PTPRG: variants seen among roughly 807,000 people sequenced by gnomAD.
PTPRG encodes the protein protein tyrosine phosphatase receptor type G, also known as receptor-type tyrosine-protein phosphatase gamma.
PTPRG carries 102 observed loss-of-function variants against 165.3 expected under a neutral mutation model. That is an observed-to-expected ratio of 0.62 (90% confidence interval 0.53 to 0.73). PTPRG has a LOEUF of 0.73. Among genes scored for constraint, PTPRG ranks in the 30% least tolerant of loss-of-function variants. PTPRG has a pLI of 0.00. For synonymous variants in PTPRG, 675 were observed against 669.5 expected (o/e 1.01, Z -0.13); for missense variants, 1,866 against 1,861.4 (o/e 1.00, Z -0.05).
chr3:61,986,285 G>A (rs1407749666), intron 2 of PTPRG, among the ~76,000 whole-genome samples: 1 of 152,142 alleles, frequency 6.6e-6, no homozygotes, highest in East Asian at 1.9e-4. Context: ...GAATGAAGTT[G>A]TACAAGATAC....
At chr3:62,120,751 A>AG (rs201011781) in intron 5 of PTPRG, among the ~76,000 whole-genome samples, 1,983 of 151,778 alleles carry the variant, frequency 0.013, 29 homozygotes, top group Non-Finnish European at 0.019. Context: ...CCATCTCAAA[A>AG]AAAAAAAAAG....
At chr3:61,995,660 C>T (rs1016036129) in intron 3 of PTPRG, among the ~76,000 whole-genome samples, 3 of 151,660 alleles carry the variant, frequency 2.0e-5, no homozygotes, top group Admixed American at 2.0e-4. Flanking sequence ...ATAGTCTAGG[C>T]TTTCCGCCTG....
intron 9 of PTPRG, among the ~76,000 whole-genome samples, chr3:62,193,475 G>A (rs1432336562): frequency 6.6e-6 from 1 of 152,222 alleles, no homozygotes; most frequent in African/African-American, 2.4e-5. Context: ...TAATTCCTCA[G>A]CGAGTGAAGA....
At chr3:61,893,060 TTGA>T (rs2038260597) in intron 2 of PTPRG, among the ~76,000 whole-genome samples, 1 of 152,198 alleles carries the variant, frequency 6.6e-6, no homozygotes, top group African/African-American at 2.4e-5. Flanking sequence ...GACTGTTATC[TTGA>T]TGGGTGGCAC....
chr3:61,713,409 G>A (rs2031660859), intron 1 of PTPRG, among the ~76,000 whole-genome samples: 1 of 150,410 alleles, frequency 6.6e-6, no homozygotes. Context: ...CTGACCTCGT[G>A]ATCCACCCGC....
intron 4 of PTPRG, among the ~76,000 whole-genome samples, chr3:62,075,283 T>G (rs1241965775): frequency 6.6e-6 from 1 of 152,222 alleles, no homozygotes; most frequent in Non-Finnish European, 1.5e-5. Context: ...GTGAACCTAC[T>G]TAATTTGAGG....
At chr3:61,820,401 C>G (rs2035915243) in intron 2 of PTPRG, among the ~76,000 whole-genome samples, 1 of 152,158 alleles carries the variant, frequency 6.6e-6, no homozygotes, top group South Asian at 2.1e-4. Context: ...GAGGTACCCA[C>G]TCGTATTAAG....
At chr3:62,184,745 C>T (rs1347532456) in intron 8 of PTPRG, among the ~76,000 whole-genome samples, 2 of 152,170 alleles carry the variant, frequency 1.3e-5, no homozygotes, top group African/African-American at 2.4e-5. Context: ...GCAACACCTC[C>T]CACCCAGGAA....
rs963079180 is a variant in PTPRG, at chr3:62,271,469, C to T, written c.3096C>T (p.Pro1032=). The T allele has an allele frequency of 1.2e-5, 19 of 1,613,784 alleles. No individual in the cohort carries two copies. The highest frequency in any genetic ancestry group is 1.4e-5 in the Non-Finnish European group (17 of 1,179,842). The stretch of plus-strand genomic sequence containing the variant: ...CACAGTGGCCTGACATGGGAGTTCC[C>T]GAGTATGCCCTTCCAGTACTGACTT... ...HYTQWPDMGV[P]EYALPVLTFV... The change falls in exon 21 of 30, where the codon CCC becomes CCT. Residue 1032 remains proline, a synonymous_variant. Coordinates refer to ENST00000474889, the MANE Select transcript of PTPRG (RefSeq NM_002841.4). This position sits in a 1 kb window ranked among gnomAD's most constrained non-coding sequence, Gnocchi z 4.1.
intron 12 of PTPRG, among the ~76,000 whole-genome samples, chr3:62,206,421 C>T (rs549662183): frequency 1.3e-5 from 2 of 152,096 alleles, no homozygotes; most frequent in Admixed American, 6.5e-5. Flanking sequence ...AAGTCTTAGT[C>T]CCGTGTCCTC....
intron 8 of PTPRG, among the ~76,000 whole-genome samples, chr3:62,187,273 A>G (rs1350723778): frequency 6.6e-6 from 1 of 152,250 alleles, no homozygotes; most frequent in African/African-American, 2.4e-5. Context: ...GCAGAGGGGC[A>G]GAATTCAGTG....
intron 1 of PTPRG, among the ~76,000 whole-genome samples, chr3:61,599,659 AT>A (rs11382935): frequency 0.065 from 9,511 of 145,980 alleles, 431 homozygotes; most frequent in African/African-American, 0.13. Flanking sequence ...TGCCTCCCTA[AT>A]TTTTTTTTTT....
chr3:62,208,836 A>G (rs894600199), intron 12 of PTPRG, among the ~76,000 whole-genome samples: 2 of 152,246 alleles, frequency 1.3e-5, no homozygotes, highest in East Asian at 1.9e-4. Context: ...AGCCCTGCCT[A>G]TGCAGAAGGC....
At chr3:61,621,051 A>ATATATATATATATGTGTG in intron 1 of PTPRG, among the ~76,000 whole-genome samples, 12 of 117,994 alleles carry the variant, frequency 1.0e-4, no homozygotes, top group South Asian at 2.9e-4. Context: ...ATATATATAT[A>ATATATATATATATGTGTG]TGTGTGTGTG....
chr3:62,256,573 T>G (rs1318193736), intron 16 of PTPRG, among the ~76,000 whole-genome samples: 2 of 152,240 alleles, frequency 1.3e-5, no homozygotes, highest in Non-Finnish European at 2.9e-5. Context: ...ACATTTTGTA[T>G]TCATGAGGAC....
At position 62,267,477 on chromosome 3, in the gene PTPRG, T is replaced by C. The variant is rs61754216; in HGVS notation, c.2724T>C (p.Asn908=). 8.4e-3 allele frequency: 13,482 copies of C among 1,610,636 alleles called. 109 individuals carry two copies. The highest frequency in any genetic ancestry group is 0.036 in the Middle Eastern group (217 of 6,040). The part of the protein sequence containing the change: ...GKDSKHSDYI[N]ANYVDGYNKA... ...ACTCTAAGCACAGCGACTACATTAATGCAAACTATGTTGATGTAAGTCAGA... is the reference window on the plus strand; with the variant it reads ...ACTCTAAGCACAGCGACTACATTAACGCAAACTATGTTGATGTAAGTCAGA... Residue 908 remains asparagine (N), a synonymous_variant, in exon 18 of 30, where the codon AAT becomes AAC. Coordinates refer to ENST00000474889, the MANE Select transcript of PTPRG (RefSeq NM_002841.4).
chr3:62,108,519 C>G (rs12494218), intron 5 of PTPRG, among the ~76,000 whole-genome samples: 16,706 of 152,178 alleles, frequency 0.11, 1,212 homozygotes, highest in Middle Eastern at 0.18. Context: ...GTGCATGTGT[C>G]TTTATTGTAG....
At chr3:61,854,603 A>T (rs1402480378) in intron 2 of PTPRG, among the ~76,000 whole-genome samples, 1 of 152,206 alleles carries the variant, frequency 6.6e-6, no homozygotes, top group Non-Finnish European at 1.5e-5. Flanking sequence ...GCACTGTAAT[A>T]TACATGCAGC....
At chr3:61,606,996 G>A (rs985161310) in intron 1 of PTPRG, among the ~76,000 whole-genome samples, 4 of 152,300 alleles carry the variant, frequency 2.6e-5, no homozygotes, top group East Asian at 1.9e-4. Context: ...CCCCACCTAC[G>A]TGATAGAAGT....
Sources: gnomAD v4.1 joint callset for allele counts (sites outside exome capture counted in the v4.1 genomes callset) on GRCh38, gnomAD v4.1.1 for gene constraint, Gnocchi (gnomAD v3.1) non-coding constraint, MANE v1.5 for transcripts, NCBI Gene and HGNC (gene_info 2026-07-23, HGNC 2026-07-21) for gene names.